The following IQSEC3 variants were observed in gnomAD, a reference collection of about 807,000 sequenced individuals.
The protein encoded by IQSEC3 is IQ motif and SEC7 domain-containing protein 3.
A neutral mutation model predicts 105.4 loss-of-function variants in IQSEC3; 50 were observed. The observed-to-expected ratio is 0.47, with a 90% confidence interval of 0.38 to 0.60. The LOEUF is 0.60. Among genes scored for constraint, IQSEC3 ranks in the 20% least tolerant of loss-of-function variants. The pLI, the probability that IQSEC3 is intolerant of heterozygous loss-of-function variation, is 0.00. For missense variants in IQSEC3, 1,415 were observed against 1,630.0 expected (o/e 0.87, Z 2.27); for synonymous variants, 708 against 746.0 (o/e 0.95, Z 0.83).
At chr12:111,225 T>A (rs1441755447) in intron 2 of IQSEC3, among the ~76,000 whole-genome samples, 1 of 152,200 alleles carries the variant, frequency 6.6e-6, no homozygotes, top group African/African-American at 2.4e-5. Flanking sequence ...GGAGTTTTAT[T>A]ATTCACAGAA....
intron 1 of IQSEC3, among the ~76,000 whole-genome samples, chr12:70,091 T>C (rs1863254337): frequency 6.6e-6 from 1 of 152,260 alleles, no homozygotes; most frequent in Non-Finnish European, 1.5e-5. Flanking sequence ...TCCTCCCTCA[T>C]TCTTCCTCTG....
chr12:171,912 G>T (rs1237086133), intron 13 of IQSEC3, among the ~76,000 whole-genome samples: 2 of 152,126 alleles, frequency 1.3e-5, no homozygotes, highest in African/African-American at 4.8e-5. Flanking sequence ...CCCAGCAGCA[G>T]CTGGTCCCTG....
At chr12:162,511 C>A (rs1355892859) in intron 8 of IQSEC3, among the ~76,000 whole-genome samples, 1 of 152,180 alleles carries the variant, frequency 6.6e-6, no homozygotes, top group Admixed American at 6.5e-5. Flanking sequence ...TGTTCCAAGC[C>A]TGCCATGATT....
At chr12:156,743 A>C (rs975027911) in intron 5 of IQSEC3, among the ~76,000 whole-genome samples, 1 of 152,236 alleles carries the variant, frequency 6.6e-6, no homozygotes, top group Middle Eastern at 3.2e-3. Context: ...TTAAGAAGGA[A>C]GGAACTGGGA....
intron 5 of IQSEC3, among the ~76,000 whole-genome samples, chr12:149,783 C>A (rs1470992156): frequency 1.3e-5 from 2 of 152,044 alleles, no homozygotes; most frequent in African/African-American, 4.8e-5. Flanking sequence ...AGGGTTGGGG[C>A]TGGGCAGCAG....
At chr12:164,619 G>C (rs1365737262) in intron 9 of IQSEC3, 1 of 152,116 alleles carries the variant, frequency 6.6e-6, no homozygotes, top group African/African-American at 2.4e-5. Context: ...TAGCACTTTG[G>C]TTTTGTTTTT....
In IQSEC3 at chr12:125,826, C is replaced by G. The variant is rs1865375484; in HGVS notation, c.817C>G (p.Gln273Glu). 1 of 1,530,004 alleles carries G rather than the reference C, an allele frequency of 6.5e-7. No individual in the cohort carries two copies. The highest frequency in any genetic ancestry group is 8.7e-7 in the Non-Finnish European group (1 of 1,144,752). 94.8% of individuals were successfully genotyped at this position (1,530,004 alleles called of 1,614,324 possible). The change falls in exon 3 of 14, where the codon CAG becomes GAG. Residue 273 changes from glutamine (Q) to glutamate (E), a missense_variant. Transcript: ENST00000538872. The stretch of plus-strand genomic sequence containing the variant: ...CCAGCACAAGGCCTCCCCCGGCCGG[C>G]AGCAGCCTGCCCTGGCGACGGCGCT... ...GPQHKASPGR[Q>E]QPALATALCP...
intron 1 of IQSEC3, among the ~76,000 whole-genome samples, chr12:90,245 G>A (rs1555073034): frequency 6.6e-6 from 1 of 152,182 alleles, no homozygotes. Flanking sequence ...CAAATCTCTT[G>A]TACATTTTCC....
intron 2 of IQSEC3, among the ~76,000 whole-genome samples, chr12:117,610 G>T (rs1865090154): frequency 6.6e-6 from 1 of 152,226 alleles, no homozygotes; most frequent in South Asian, 2.1e-4. Context: ...TGGCCTAGGT[G>T]AGGGGAGGGC....
At chr12:83,512 A>G (rs1863817498) in intron 1 of IQSEC3, among the ~76,000 whole-genome samples, 1 of 151,910 alleles carries the variant, frequency 6.6e-6, no homozygotes, top group Non-Finnish European at 1.5e-5. Context: ...AGAGCACGTG[A>G]AGACCTCAGG....
At chr12:140,412 G>A (rs1462342037) in intron 4 of IQSEC3, 13 of 152,258 alleles carry the variant, frequency 8.5e-5, no homozygotes, top group African/African-American at 3.1e-4. Context: ...TCCCACTTCT[G>A]CAGTGTCTCT....
intron 2 of IQSEC3, among the ~76,000 whole-genome samples, chr12:123,278 G>T (rs150970215): frequency 6.6e-6 from 1 of 151,898 alleles, no homozygotes; most frequent in Non-Finnish European, 1.5e-5. Flanking sequence ...ATGGTGGTGC[G>T]TACCCACCTG....
chr12:157,444 C>A, intron 6 of IQSEC3, 84 bp from the exon 7 acceptor site: 3 of 1,442,198 alleles, frequency 2.1e-6, no homozygotes. Flanking sequence ...GCTGGGATAC[C>A]CCCTGGACAC....
chr12:132,071 AAG>A (rs1467071006), intron 3 of IQSEC3, among the ~76,000 whole-genome samples: 1 of 152,174 alleles, frequency 6.6e-6, no homozygotes, highest in Non-Finnish European at 1.5e-5. Context: ...CTGAGTGTCA[AAG>A]AGAAATTGGG....
chr12:91,954 G>A (rs1864100533), intron 1 of IQSEC3, among the ~76,000 whole-genome samples: 1 of 152,106 alleles, frequency 6.6e-6, no homozygotes. Context: ...AAGGAACACA[G>A]CCTCCTACCC....
intron 1 of IQSEC3, among the ~76,000 whole-genome samples, chr12:97,142 G>A (rs1226958279): frequency 6.6e-6 from 1 of 152,196 alleles, no homozygotes; most frequent in East Asian, 1.9e-4. Flanking sequence ...GTATTTGTTG[G>A]CTCTTTAGGG....
intron 5 of IQSEC3, among the ~76,000 whole-genome samples, chr12:154,615 C>T (rs1177169721): frequency 2.0e-5 from 3 of 152,134 alleles, no homozygotes; most frequent in African/African-American, 7.2e-5. Context: ...GAGTCAGCGC[C>T]CCTGGGCTGA....
At chr12:167,552 G>A (rs1938725546) in intron 11 of IQSEC3, 1 of 150,248 alleles carries the variant, frequency 6.7e-6, no homozygotes, top group African/African-American at 2.5e-5. Context: ...GTAGGCCAGG[G>A]AGACAGGGAG....
intron 2 of IQSEC3, among the ~76,000 whole-genome samples, chr12:113,537 G>C (rs184260256): frequency 6.6e-6 from 1 of 152,188 alleles, no homozygotes; most frequent in Admixed American, 6.5e-5. Context: ...GGCCTGGTGG[G>C]ATCTTGGTGT....
Sources: allele counts gnomAD v4.1 joint callset (sites outside exome capture counted in the v4.1 genomes callset), GRCh38; gene constraint gnomAD v4.1.1; transcripts MANE v1.5; gene names NCBI Gene and HGNC (gene_info 2026-07-23, HGNC 2026-07-21).